The following PRSS23 variants were observed in gnomAD, a reference collection of about 807,000 sequenced individuals.
PRSS23 encodes protease, serine 23.
In PRSS23, 25 loss-of-function variants were observed where a neutral mutation model predicts 34.7. That is an observed-to-expected ratio of 0.72 (90% confidence interval 0.53 to 1.01). The LOEUF (loss-of-function observed/expected upper bound fraction) is 1.01. Ranked by LOEUF, PRSS23 falls within the 50% of genes least tolerant of loss-of-function variation. The probability of loss-of-function intolerance (pLI) is 0.00; values close to 1 mark genes in which losing one functional copy is unlikely to be tolerated. For missense variants in PRSS23, 445 were observed against 475.6 expected, an observed-to-expected ratio of 0.94 and a Z score of 0.60; for synonymous variants, 176 against 186.6, an observed-to-expected ratio of 0.94 and a Z score of 0.46.
At chr11:86,823,132 C>T (rs1419353956) in intron 1 of PRSS23, among the ~76,000 whole-genome samples, 2 of 152,184 alleles carry the variant, frequency 1.3e-5, no homozygotes, top group African/African-American at 4.8e-5. Flanking sequence ...AATGAAGAGG[C>T]TACATCTGGT....
chr11:86,852,925 C>T (rs1948540846), intron 2 of PRSS23, among the ~76,000 whole-genome samples: 1 of 152,184 alleles, frequency 6.6e-6, no homozygotes, highest in Admixed American at 6.5e-5. Context: ...ATGATCTCGG[C>T]TCACTGCAAC....
chr11:86,801,530 A>T (rs1948038192), intron 1 of PRSS23, among the ~76,000 whole-genome samples: 1 of 152,220 alleles, frequency 6.6e-6, no homozygotes, highest in Non-Finnish European at 1.5e-5. Context: ...TCCTGAAACT[A>T]AATTTGAGGG....
At chr11:86,795,254 C>T (rs1049775092) in intron 1 of PRSS23, among the ~76,000 whole-genome samples, 4 of 151,992 alleles carry the variant, frequency 2.6e-5, no homozygotes, top group African/African-American at 4.8e-5. Flanking sequence ...AATAATAATA[C>T]GTATTGCCAA....
At chr11:86,798,700 C>G (rs578215801), upstream of PRSS23, among the ~76,000 whole-genome samples, 270 of 152,244 alleles carry the variant, frequency 1.8e-3, 1 homozygote, top group Non-Finnish European at 2.5e-3. Flanking sequence ...GGTTTTGTGT[C>G]TGTGTGTGTT....
intron 2 of PRSS23, among the ~76,000 whole-genome samples, chr11:86,856,306 A>C (rs545887046): frequency 1.3e-5 from 2 of 148,536 alleles, no homozygotes; most frequent in Non-Finnish European, 3.0e-5. Context: ...TTCATCATTG[A>C]AACAGTCTCT....
chr11:86,835,502 C>T (rs774144638), intron 2 of PRSS23, among the ~76,000 whole-genome samples: 12 of 152,248 alleles, frequency 7.9e-5, no homozygotes, highest in Non-Finnish European at 1.2e-4. Flanking sequence ...TGGAAAGCTG[C>T]TTCTGCTTCA....
chr11:86,868,837 T>C (rs1948667235), intron 2 of PRSS23, among the ~76,000 whole-genome samples: 1 of 152,128 alleles, frequency 6.6e-6, no homozygotes, highest in South Asian at 2.1e-4. Context: ...TTTGAGACAG[T>C]GTGTCACCCT....
At chr11:86,878,779 A>C (rs574199763) in intron 2 of PRSS23, among the ~76,000 whole-genome samples, 1 of 150,182 alleles carries the variant, frequency 6.7e-6, no homozygotes, top group South Asian at 2.1e-4. Context: ...GAAAGTGAGG[A>C]GCGTCTCTGC....
chr11:86,917,045 C>A (rs779390201), intron 2 of PRSS23, among the ~76,000 whole-genome samples: 6 of 152,208 alleles, frequency 3.9e-5, no homozygotes, highest in Non-Finnish European at 8.8e-5. Context: ...TGGAGCCGGG[C>A]GCGGTCGCTC....
At chr11:86,792,405 A>G (rs1273498808) in intron 1 of PRSS23, among the ~76,000 whole-genome samples, 1 of 152,154 alleles carries the variant, frequency 6.6e-6, no homozygotes, top group African/African-American at 2.4e-5. Flanking sequence ...ATGGCTTCCC[A>G]CTGCTGCTAG....
At chr11:86,849,642 C>T (rs564523555) in intron 2 of PRSS23, among the ~76,000 whole-genome samples, 1 of 152,286 alleles carries the variant, frequency 6.6e-6, no homozygotes, top group Admixed American at 6.5e-5. Context: ...CCTTGCAACA[C>T]CCCAATTCTA....
chr11:86,865,364 G>A (rs1450671598), intron 2 of PRSS23, among the ~76,000 whole-genome samples: 1 of 152,208 alleles, frequency 6.6e-6, no homozygotes, highest in African/African-American at 2.4e-5. Context: ...TCACTTGGAG[G>A]TAACATATGC....
chr11:86,855,786 C>G (rs1203038486), intron 2 of PRSS23, among the ~76,000 whole-genome samples: 1 of 152,174 alleles, frequency 6.6e-6, no homozygotes, highest in Non-Finnish European at 1.5e-5. Context: ...CAGACATGAG[C>G]CACCACCCCT....
chr11:86,825,619 A>G (rs1274844300), intron 2 of PRSS23, among the ~76,000 whole-genome samples: 1 of 151,446 alleles, frequency 6.6e-6, no homozygotes, highest in African/African-American at 2.4e-5. Context: ...TTTAGGTCTA[A>G]CGTTTAAGTC....
At chr11:86,874,919 G>T (rs1948712320) in intron 2 of PRSS23, among the ~76,000 whole-genome samples, 1 of 152,204 alleles carries the variant, frequency 6.6e-6, no homozygotes, top group Non-Finnish European at 1.5e-5. Context: ...GCTCAGTTGA[G>T]ACTGTGAACC....
At chr11:86,919,060 G>A (rs866099200) in intron 2 of PRSS23, among the ~76,000 whole-genome samples, 4 of 152,104 alleles carry the variant, frequency 2.6e-5, no homozygotes, top group Admixed American at 6.5e-5. Context: ...CCACTGCCTC[G>A]CAGTTTCCAG....
At chr11:86,802,096 T>A (rs1478796470) in intron 1 of PRSS23, among the ~76,000 whole-genome samples, 2 of 152,178 alleles carry the variant, frequency 1.3e-5, no homozygotes, top group Non-Finnish European at 2.9e-5. Context: ...TGGTTAATAG[T>A]CTCAGGTTCT....
chr11:86,832,892 G>A (rs768849517), intron 2 of PRSS23: 11 of 329,916 alleles, frequency 3.3e-5, no homozygotes, highest in Admixed American at 1.3e-4. Context: ...GTCACAACAC[G>A]CAAGGTGTGG....
intron 2 of PRSS23, chr11:86,836,803 C>A (rs1042394717): frequency 1.3e-5 from 2 of 152,156 alleles, no homozygotes; most frequent in African/African-American, 2.4e-5. Flanking sequence ...CTGGCACTTG[C>A]CCCGGGCACC....
Sources: gnomAD v4.1 joint callset for allele counts (sites outside exome capture counted in the v4.1 genomes callset) on GRCh38, gnomAD v4.1.1 for gene constraint, MANE v1.5 for transcripts, NCBI Gene and HGNC (gene_info 2026-07-23, HGNC 2026-07-21) for gene names.